WWOX: variants seen among roughly 807,000 people sequenced by gnomAD.
WWOX encodes the protein WW domain-containing oxidoreductase.
A neutral mutation model predicts 46.2 loss-of-function variants in WWOX; 69 were observed. The ratio of observed to expected loss-of-function variants is 1.49; its 90% CI spans 1.23 to 1.82. The LOEUF (loss-of-function observed/expected upper bound fraction) is 1.82. Among genes scored for constraint, WWOX ranks in the 40% most tolerant of loss-of-function variants. The probability of loss-of-function intolerance (pLI) is 0.00; values close to 1 mark genes in which losing one functional copy is unlikely to be tolerated. For missense variants in WWOX, 919 were observed against 542.6 expected (o/e 1.69, Z -6.89); for synonymous variants, 359 against 202.6 (o/e 1.77, Z -6.56).
rs543360545 is a variant in WWOX, at chr16:78,344,456, C to T, written c.517-42404C>T. Among the ~76,000 whole-genome samples the T allele has an allele frequency of 2.5e-5, 3 of 121,588 alleles. 1 individual carries two copies. The highest frequency in any genetic ancestry group is 1.9e-4 in the East Asian group (1 of 5,168). The allele number at this position is 121,588 out of a possible 152,430, so 79.8% of individuals were successfully genotyped here. On this transcript the variant is annotated intron_variant, in intron 5 of 8. Transcript: ENST00000566780. The stretch of plus-strand genomic sequence containing the variant: ...ATGGAATTACCACGAGGAACCTGTT[C>T]TCTTATGTTTCTGCTTAGATGGCTG...
Position 79,160,781 on chromosome 16 carries a change from A to G in WWOX, c.1057-50827A>G, listed in dbSNP as rs546616377. On this transcript the variant is annotated intron_variant, in intron 8 of 8. Transcript: ENST00000566780. ...AGAAAAAAATGTGATTTGTGCATTC[A>G]TATGTCTGTGTGTACATATATGTAT... Among the ~76,000 whole-genome samples, 9 of 152,252 alleles carry G rather than the reference A, an allele frequency of 5.9e-5. No homozygotes were observed. The South Asian group carries it at 1.5e-3, about 25-fold the overall frequency.
chr16:79,010,708 G>T (rs921493827), intron 8 of WWOX, among the ~76,000 whole-genome samples: 7 of 152,006 alleles, frequency 4.6e-5, no homozygotes, highest in Non-Finnish European at 8.8e-5. Flanking sequence ...GGCAGAGGAG[G>T]TTTGGCCATG....
At chr16:78,961,995 C>G (rs1335404488) in intron 8 of WWOX, among the ~76,000 whole-genome samples, 1 of 152,244 alleles carries the variant, frequency 6.6e-6, no homozygotes, top group African/African-American at 2.4e-5. Context: ...GATCCCTTGT[C>G]TCTTGTCAGG....
intron 8 of WWOX, among the ~76,000 whole-genome samples, chr16:78,854,555 C>A (rs925735062): frequency 1.2e-4 from 18 of 152,178 alleles, no homozygotes; most frequent in Admixed American, 6.5e-4. Flanking sequence ...GAGATTAACA[C>A]CTAACGATAC....
At chr16:78,134,213 TG>T (rs909163717) in intron 4 of WWOX, among the ~76,000 whole-genome samples, 3 of 152,226 alleles carry the variant, frequency 2.0e-5, no homozygotes, top group Non-Finnish European at 2.9e-5. Flanking sequence ...TTTAAAACCA[TG>T]TGATAGAAAG....
chr16:78,833,732 A>C (rs1047960045), intron 8 of WWOX, among the ~76,000 whole-genome samples: 1 of 152,204 alleles, frequency 6.6e-6, no homozygotes, highest in Non-Finnish European at 1.5e-5. Flanking sequence ...CCTCTGTGAA[A>C]CTGGGTATGA....
intron 1 of WWOX, among the ~76,000 whole-genome samples, chr16:78,101,827 A>G (rs1330136524): frequency 6.6e-6 from 1 of 152,216 alleles, no homozygotes; most frequent in African/African-American, 2.4e-5. Flanking sequence ...CACTGGTTAT[A>G]CCGAGGCAAA....
chr16:78,397,418 G>A (rs1597162361), intron 6 of WWOX, among the ~76,000 whole-genome samples: 1 of 152,178 alleles, frequency 6.6e-6, no homozygotes, highest in Admixed American at 6.5e-5. Context: ...GAATGGCAGT[G>A]TTTAATGGTT....
At chr16:78,711,766 TAA>T (rs2142325734) in intron 8 of WWOX, among the ~76,000 whole-genome samples, 1 of 152,150 alleles carries the variant, frequency 6.6e-6, no homozygotes, top group East Asian at 1.9e-4. Flanking sequence ...TGACCAGTGT[TAA>T]AGAGTGAGCG....
intron 8 of WWOX, among the ~76,000 whole-genome samples, chr16:78,509,971 A>C (rs2085319521): frequency 6.6e-6 from 1 of 151,334 alleles, no homozygotes; most frequent in Non-Finnish European, 1.5e-5. Context: ...ATGGTGGCAC[A>C]TGCCTGTAGT....
At chr16:78,609,058 A>G (rs1174530021) in intron 8 of WWOX, among the ~76,000 whole-genome samples, 1 of 152,208 alleles carries the variant, frequency 6.6e-6, no homozygotes, top group Non-Finnish European at 1.5e-5. Flanking sequence ...TAGAAAAATT[A>G]GTTATTAAAC....
chr16:78,784,958 T>G lies in WWOX; in HGVS notation c.1056+352206T>G, dbSNP rs62038600. ...AGCGAGGTGTCCCTTTTGCAGTTGT[T>G]CAGAAGGTCCCGTGGGCAGGAGCAG... On this transcript the variant is annotated intron_variant, in intron 8 of 8. Transcript: ENST00000566780. 3.4e-3 allele frequency among the ~76,000 whole-genome samples: 521 copies of G among 152,224 alleles called. 1 individual carries two copies. The highest frequency in any genetic ancestry group is 5.3e-3 in the Non-Finnish European group (362 of 68,012).
At chr16:78,596,125 TA>T (rs1213079232) in intron 8 of WWOX, among the ~76,000 whole-genome samples, 57 of 152,326 alleles carry the variant, frequency 3.7e-4, no homozygotes, top group African/African-American at 1.3e-3. Flanking sequence ...TGGTAGGACT[TA>T]TTTTTTTAAT....
At chr16:78,382,096 G>C (rs1374366142) in intron 5 of WWOX, among the ~76,000 whole-genome samples, 1 of 152,180 alleles carries the variant, frequency 6.6e-6, no homozygotes, top group Admixed American at 6.5e-5. Flanking sequence ...ATGGATGTGA[G>C]TGTGAAGTAG....
intron 8 of WWOX, among the ~76,000 whole-genome samples, chr16:78,752,033 G>A (rs1280986367): frequency 1.3e-5 from 2 of 152,070 alleles, no homozygotes; most frequent in Non-Finnish European, 2.9e-5. Flanking sequence ...GGAGAGAGAC[G>A]ACACAAAATT....
chr16:78,222,715 G>A (rs111226205), intron 5 of WWOX, among the ~76,000 whole-genome samples: 3 of 152,330 alleles, frequency 2.0e-5, no homozygotes, highest in African/African-American at 7.2e-5. Flanking sequence ...TACCTTGGGA[G>A]CTGGAAGCGT....
chr16:78,379,645 C>A (rs145168030), intron 5 of WWOX, among the ~76,000 whole-genome samples: 58 of 152,280 alleles, frequency 3.8e-4, no homozygotes, highest in African/African-American at 1.3e-3. Context: ...AAGCATGCTC[C>A]GTAAGACCCA....
intron 5 of WWOX, among the ~76,000 whole-genome samples, chr16:78,216,387 A>G (rs1216503793): frequency 6.6e-6 from 1 of 152,188 alleles, no homozygotes; most frequent in Non-Finnish European, 1.5e-5. Flanking sequence ...CCGCTGTAAC[A>G]CATTATCACC....
chr16:79,085,767 C>T (rs2048843237), intron 8 of WWOX, among the ~76,000 whole-genome samples: 2 of 152,214 alleles, frequency 1.3e-5, no homozygotes, highest in Admixed American at 6.5e-5. Context: ...AGTCAGTAGC[C>T]AGGCATAGTG....
Sources: allele counts gnomAD v4.1 joint callset (sites outside exome capture counted in the v4.1 genomes callset), GRCh38; gene constraint gnomAD v4.1.1; transcripts MANE v1.5; gene names NCBI Gene and HGNC (gene_info 2026-07-23, HGNC 2026-07-21).